TSNAX: variants seen among roughly 807,000 people sequenced by gnomAD.
The protein encoded by TSNAX is translin associated factor X.
In TSNAX, 12 loss-of-function variants were observed where a neutral mutation model predicts 33.0. The ratio of observed to expected loss-of-function variants is 0.36; its 90% confidence interval spans 0.23 to 0.59. TSNAX has a LOEUF of 0.59. Ranked by LOEUF, TSNAX falls within the 20% of genes least tolerant of loss-of-function variation. The pLI is 0.74. For synonymous variants in TSNAX, 110 were observed against 117.2 expected (o/e 0.94, Z 0.40); for missense variants, 267 against 341.3 (o/e 0.78, Z 1.72).
At chr1:231,537,000 T>G in intron 2 of TSNAX, 3 of 297,278 alleles carry the variant, frequency 1.0e-5, no homozygotes, top group East Asian at 6.3e-5. Context: ...GCCCAGCTAA[T>G]TGTTTTATTT....
intron 5 of TSNAX, chr1:231,563,537 A>G (rs1442476397): frequency 6.5e-6 from 1 of 154,976 alleles, no homozygotes; most frequent in Non-Finnish European, 1.5e-5. Context: ...AAGGTCCTGG[A>G]AGAGGTGGGA....
chr1:231,545,026 TAA>T (rs2124909945), intron 4 of TSNAX, among the ~76,000 whole-genome samples: 1 of 152,342 alleles, frequency 6.6e-6, no homozygotes, highest in East Asian at 1.9e-4. Context: ...ATCTTTTCTG[TAA>T]AAAGTCTTTA....
intron 4 of TSNAX, among the ~76,000 whole-genome samples, chr1:231,547,436 G>T (rs1230772187): frequency 6.9e-6 from 1 of 144,848 alleles, no homozygotes; most frequent in Admixed American, 7.2e-5. Context: ...TGTCGCCCAG[G>T]CTGGAGTGCA....
At chr1:231,538,605 A>C (rs111491096) in intron 3 of TSNAX, among the ~76,000 whole-genome samples, 5 of 152,194 alleles carry the variant, frequency 3.3e-5, no homozygotes, top group African/African-American at 1.2e-4. Context: ...CAAATTCCAG[A>C]TGTCTCCAGA....
At position 231,542,783 on chromosome 1, in the gene TSNAX, T is replaced by G. The variant is rs1006708371; in HGVS notation, c.367+172T>G. On this transcript the variant is annotated intron_variant, in intron 4 of 5. Transcript: ENST00000366639. ...AATCCAAAGGCAAGTTGGCTTTATG[T>G]TTTTTTTAACAGTGTAGTGATGGTC... The G allele has an allele frequency of 8.9e-6, 6 of 674,136 alleles. No homozygotes were observed. In the Admixed American group the frequency reaches 1.9e-4, roughly 21 times the overall value. 41.8% of individuals were successfully genotyped at this position (674,136 alleles called of 1,614,324 possible).
chr1:231,554,775 G>A (rs1172642591), intron 4 of TSNAX: 1 of 152,156 alleles, frequency 6.6e-6, no homozygotes, highest in East Asian at 1.9e-4. Flanking sequence ...GAGAAAAATG[G>A]GTATGTTTTA....
Position 231,537,245 on chromosome 1 carries a change from A to G in TSNAX, c.154A>G (p.Lys52Glu). Reference sequence around the variant, plus strand: ...GCAGGAACTTGATGCAAGGCATGACAAATATGAGAGACTTGTGAAACTTAG... The same window carrying G: ...GCAGGAACTTGATGCAAGGCATGACGAATATGAGAGACTTGTGAAACTTAG... ...FQQELDARHD[K>E]YERLVKLSRD... The change falls in exon 3 of 6, where the codon AAA becomes GAA. Residue 52 changes from lysine to glutamate, a missense_variant. By Grantham distance (56) the Lys-to-Glu change is moderately conservative. Transcript: ENST00000366639. The G allele has an allele frequency of 6.2e-7, 1 of 1,613,544 alleles. No individual in the cohort carries two copies.
At chr1:231,545,347 C>T (rs1381612232) in intron 4 of TSNAX, among the ~76,000 whole-genome samples, 1 of 152,150 alleles carries the variant, frequency 6.6e-6, no homozygotes, top group Admixed American at 6.5e-5. Flanking sequence ...GTGCTAATGG[C>T]ACGCAGAGCA....
intron 3 of TSNAX, among the ~76,000 whole-genome samples, chr1:231,541,737 A>T (rs772058736): frequency 6.6e-6 from 1 of 152,168 alleles, no homozygotes; most frequent in African/African-American, 2.4e-5. Flanking sequence ...TGATAAATCA[A>T]TTCTTTCCGG....
chr1:231,553,226 G>C (rs1660449779), intron 4 of TSNAX, among the ~76,000 whole-genome samples: 1 of 152,064 alleles, frequency 6.6e-6, no homozygotes, highest in Admixed American at 6.5e-5. Context: ...TGTCATATCT[G>C]TTTGCTTTTA....
chr1:231,549,179 C>T (rs1357731740), intron 4 of TSNAX, among the ~76,000 whole-genome samples: 1 of 152,192 alleles, frequency 6.6e-6, no homozygotes, highest in African/African-American at 2.4e-5. Context: ...ACTCTGATGG[C>T]TCACGCCTGT....
In TSNAX at chr1:231,528,796, G is replaced by A. The variant is rs1658436395; in HGVS notation, c.-15G>A. ...TCCTTCAGTCTCCGCTCGTCTCACC[G>A]TAGGCTGTGACGACATGAGCAACAA... On this transcript the variant is annotated 5_prime_UTR_variant, in exon 1 of 6. Transcript: ENST00000366639. 6.2e-7 allele frequency: 1 copy of A among 1,614,158 alleles called. No individual in the cohort carries two copies. The highest frequency in any genetic ancestry group is 1.1e-5 in the South Asian group (1 of 91,078).
chr1:231,556,703 A>G (rs1660718604), intron 4 of TSNAX, among the ~76,000 whole-genome samples: 1 of 152,054 alleles, frequency 6.6e-6, no homozygotes, highest in Admixed American at 6.6e-5. Flanking sequence ...CTACCTACCT[A>G]TTGCCATGTA....
At chr1:231,551,894 A>G (rs1370212191) in intron 4 of TSNAX, among the ~76,000 whole-genome samples, 2 of 152,142 alleles carry the variant, frequency 1.3e-5, no homozygotes. Context: ...GGGGAGGCTA[A>G]GGCATGAGGA....
chr1:231,533,135 CAGCT>C (rs1285968268), intron 2 of TSNAX, among the ~76,000 whole-genome samples: 1 of 150,650 alleles, frequency 6.6e-6, no homozygotes, highest in Non-Finnish European at 1.5e-5. Context: ...GGTGCAGTCT[CAGCT>C]CACTGCAACC....
intron 4 of TSNAX, among the ~76,000 whole-genome samples, chr1:231,547,408 T>TTTTTTTTTTTTC (rs397983192): frequency 6.8e-6 from 1 of 147,204 alleles, no homozygotes; most frequent in Non-Finnish European, 1.5e-5. Flanking sequence ...TTTTTTTTTT[T>TTTTTTTTTTTTC]GAGATGGAGT....
intron 4 of TSNAX, among the ~76,000 whole-genome samples, chr1:231,559,155 GT>G (rs888527359): frequency 6.6e-6 from 1 of 152,056 alleles, no homozygotes; most frequent in African/African-American, 2.4e-5. Flanking sequence ...TAAGTTCTGA[GT>G]TTTCTTTGCA....
In TSNAX at chr1:231,559,130, A is replaced by G. The variant is rs533121370; in HGVS notation, c.368-1998A>G. Among the ~76,000 whole-genome samples, 6 of 152,298 alleles carry G rather than the reference A, an allele frequency of 3.9e-5. No individual in the cohort carries two copies. The East Asian group carries it at 9.6e-4, about 24-fold the overall frequency. Reference sequence around the variant, plus strand: ...ACTCTGTCATAAAAAATGTTAGAGAACTTAAATATCCTCTTAAGTTCTGAG... The same window carrying G: ...ACTCTGTCATAAAAAATGTTAGAGAGCTTAAATATCCTCTTAAGTTCTGAG... On this transcript the variant is annotated intron_variant, in intron 4 of 5. Coordinates refer to ENST00000366639, the MANE Select transcript of TSNAX (RefSeq NM_005999.3).
chr1:231,539,323 G>A (rs954240880), intron 3 of TSNAX, among the ~76,000 whole-genome samples: 11 of 152,124 alleles, frequency 7.2e-5, no homozygotes, highest in African/African-American at 2.7e-4. Context: ...AAATGCTTGG[G>A]ACTGGAAGTG....
Sources: allele counts gnomAD v4.1 joint callset (sites outside exome capture counted in the v4.1 genomes callset), GRCh38; gene constraint gnomAD v4.1.1; transcripts MANE v1.5; gene names NCBI Gene and HGNC (gene_info 2026-07-23, HGNC 2026-07-21).